TLCD4: variants seen among roughly 807,000 people sequenced by gnomAD.
The protein encoded by TLCD4 is TLC domain-containing protein 4.
In TLCD4, 7 loss-of-function variants were observed where a neutral mutation model predicts 24.2. That is an observed-to-expected ratio of 0.29 (90% CI 0.16 to 0.54). The LOEUF (loss-of-function observed/expected upper bound fraction) is 0.54, where lower values mean the gene tolerates loss of function less well. Among genes scored for constraint, TLCD4 ranks in the 20% least tolerant of loss-of-function variants. TLCD4 has a pLI of 0.95. For missense variants in TLCD4, 259 were observed against 313.9 expected (o/e 0.82, Z 1.32); for synonymous variants, 103 against 106.4 (o/e 0.97, Z 0.20).
intron 2 of TLCD4, among the ~76,000 whole-genome samples, chr1:95,148,313 T>C (rs753276588): frequency 2.0e-5 from 3 of 152,246 alleles, no homozygotes; most frequent in East Asian, 1.9e-4. Context: ...AGGAAACTTA[T>C]CCTGCATTGA....
intron 1 of TLCD4, among the ~76,000 whole-genome samples, chr1:95,125,825 AAT>A (rs1170100226): frequency 1.3e-5 from 2 of 152,168 alleles, no homozygotes; most frequent in Non-Finnish European, 2.9e-5. Flanking sequence ...TGACTGGAGA[AAT>A]ATTAAATAGG....
chr1:95,123,470 C>T (rs996193336), intron 1 of TLCD4, among the ~76,000 whole-genome samples: 2 of 152,210 alleles, frequency 1.3e-5, no homozygotes, highest in Non-Finnish European at 2.9e-5. Context: ...TTTATAGTCA[C>T]AGGCCTCTAA....
chr1:95,125,690 C>T (rs1307944667), intron 1 of TLCD4: 1 of 152,162 alleles, frequency 6.6e-6, no homozygotes, highest in Admixed American at 6.5e-5. Context: ...ATTTTGGCCA[C>T]CAAATTATCC....
chr1:95,174,906 G>A (rs775680891), intron 6 of TLCD4, among the ~76,000 whole-genome samples: 2 of 152,184 alleles, frequency 1.3e-5, no homozygotes, highest in African/African-American at 4.8e-5. Flanking sequence ...CTCCCAAGTA[G>A]CAGGGATTAC....
chr1:95,196,747 T>A lies in TLCD4; in HGVS notation c.*4879T>A, dbSNP rs1461151251. ...CATCTTTGGATATTTTTTCTTTATATCTTTATGTAATTATTTCTGTAATTA... is the reference window on the plus strand; with the variant it reads ...CATCTTTGGATATTTTTTCTTTATAACTTTATGTAATTATTTCTGTAATTA... On this transcript the variant is annotated 3_prime_UTR_variant, in exon 7 of 7. Coordinates refer to ENST00000370203, the MANE Select transcript of TLCD4 (RefSeq NM_152487.3). 6.6e-6 allele frequency: 1 copy of A among 152,200 alleles called. No individual in the cohort carries two copies. The highest frequency in any genetic ancestry group is 2.4e-5 in the African/African-American group (1 of 41,454). 9.4% of individuals were successfully genotyped at this position (152,200 alleles called of 1,614,324 possible). A position where few individuals can be genotyped will look rare whatever the true frequency, so the allele number is the denominator to read the frequency against.
At chr1:95,151,189 C>A in intron 4 of TLCD4, 136 bp from the exon 5 acceptor site, 2 of 833,774 alleles carry the variant, frequency 2.4e-6, no homozygotes, top group South Asian at 1.5e-5. Flanking sequence ...GATAATCAGA[C>A]TAACTGAGGG....
chr1:95,195,871 C>T lies in TLCD4; in HGVS notation c.*4003C>T, dbSNP rs1679188824. Reference sequence around the variant, plus strand: ...TCTCTTTGAATCCTTCCATCTCTTCCTCCTGGTACACCAGATGACTTCATC... The same window carrying T: ...TCTCTTTGAATCCTTCCATCTCTTCTTCCTGGTACACCAGATGACTTCATC... On this transcript the variant is annotated 3_prime_UTR_variant, in exon 7 of 7. Transcript: ENST00000370203. The T allele has an allele frequency of 6.6e-6, 1 of 152,146 alleles. No individual in the cohort carries two copies. The highest frequency in any genetic ancestry group is 1.5e-5 in the Non-Finnish European group (1 of 68,016). 9.4% of individuals were successfully genotyped at this position (152,146 alleles called of 1,614,324 possible).
chr1:95,190,576 C>T (rs948403113), intron 6 of TLCD4, among the ~76,000 whole-genome samples: 2 of 151,972 alleles, frequency 1.3e-5, no homozygotes, highest in African/African-American at 2.4e-5. Context: ...ATCCACGCTC[C>T]TCAGCCTCCC....
At chr1:95,107,786 G>A in the TLCD4 span, among the ~76,000 whole-genome samples, 1 of 152,184 alleles carries the variant, frequency 6.6e-6, no homozygotes, top group East Asian at 1.9e-4. Flanking sequence ...CTGATAAACA[G>A]TGATACTCTA....
chr1:95,120,223 A>G lies in TLCD4; in HGVS notation c.-12+2606A>G, dbSNP rs185655297. Reference sequence around the variant, plus strand: ...TAACTGAACATTAGGAATGAGCTGTATTCACCTGGCATTGGTATCAGGCGC... The same window carrying G: ...TAACTGAACATTAGGAATGAGCTGTGTTCACCTGGCATTGGTATCAGGCGC... On this transcript the variant is annotated intron_variant, in intron 1 of 6. Coordinates refer to ENST00000370203, the MANE Select transcript of TLCD4 (RefSeq NM_152487.3). The G allele has an allele frequency of 9.2e-4, 140 of 152,378 alleles. 1 individual carries two copies. Among genetic ancestry groups the G allele is most frequent in the African/African-American group, 3.2e-3 (135 of 41,580 alleles). The allele number at this position is 152,378 out of a possible 1,614,324, so 9.4% of individuals were successfully genotyped here.
intron 1 of TLCD4, among the ~76,000 whole-genome samples, chr1:95,128,661 A>G (rs1268709998): frequency 6.6e-6 from 1 of 152,066 alleles, no homozygotes; most frequent in African/African-American, 2.4e-5. Flanking sequence ...GTTGTTTGAA[A>G]AATCTATATC....
chr1:95,121,551 A>C (rs774611184), intron 1 of TLCD4, among the ~76,000 whole-genome samples: 3 of 152,178 alleles, frequency 2.0e-5, no homozygotes, highest in Non-Finnish European at 4.4e-5. Context: ...GCTCACTGCA[A>C]CTTCCGCCTC....
In TLCD4 at chr1:95,151,355, T is replaced by C. The variant is rs1414367474; in HGVS notation, c.335T>C (p.Val112Ala). The C allele has an allele frequency of 6.2e-7, 1 of 1,613,304 alleles. No individual in the cohort carries two copies. The highest frequency in any genetic ancestry group is 1.7e-5 in the Admixed American group (1 of 59,908). The change falls in exon 5 of 7, where the codon GTG becomes GCG. Residue 112 changes from valine to alanine, a missense_variant. Val to Ala is a moderately conservative substitution (Grantham distance 64). Transcript: ENST00000370203. The stretch of plus-strand genomic sequence containing the variant: ...TCCATTATAATTTTGTATTGGAAAG[T>C]GATTGGTGACAAATTTTTTATAATG... ...DLSIIILYWK[V>A]IGDKFFIMHH...
Position 95,150,126 on chromosome 1 carries a change from A to T in TLCD4, c.246-82A>T, listed in dbSNP as rs1677452382. On this transcript the variant is annotated intron_variant, in intron 3 of 6. Coordinates refer to ENST00000370203, the MANE Select transcript of TLCD4 (RefSeq NM_152487.3). ...AGAATCTATAGAAAGCAATTTTATT[A>T]TATTTAAATCTCTATAGAAAAAAGA... 4 of 1,472,888 alleles carry T rather than the reference A, an allele frequency of 2.7e-6. No individual in the cohort carries two copies. In the African/African-American group the frequency reaches 5.8e-5, roughly 21 times the overall value. The allele number at this position is 1,472,888 out of a possible 1,614,324, so 91.2% of individuals were successfully genotyped here. A position where few individuals can be genotyped will look rare whatever the true frequency, so the allele number is the denominator to read the frequency against.
chr1:95,160,071 C>T (rs369342666), intron 5 of TLCD4, among the ~76,000 whole-genome samples: 11 of 152,172 alleles, frequency 7.2e-5, no homozygotes, highest in East Asian at 5.8e-4. Context: ...ATGGGGATGG[C>T]ATTGAATCTA....
At chr1:95,158,657 C>A (rs896968143) in intron 5 of TLCD4, among the ~76,000 whole-genome samples, 1 of 134,288 alleles carries the variant, frequency 7.4e-6, no homozygotes, top group Non-Finnish European at 1.6e-5. Flanking sequence ...GTCCGTCCCC[C>A]CTCCCCCCAC....
rs1416113152 is a variant in TLCD4, at chr1:95,191,910, A to G, written c.*42A>G. The G allele has an allele frequency of 1.9e-6, 3 of 1,573,456 alleles. No individual in the cohort carries two copies. Among genetic ancestry groups the G allele is most frequent in the Non-Finnish European group, 2.6e-6 (3 of 1,162,594 alleles). On this transcript the variant is annotated 3_prime_UTR_variant, in exon 7 of 7. Coordinates refer to ENST00000370203, the MANE Select transcript of TLCD4 (RefSeq NM_152487.3). ...AGCAAACTTCATTACTACCCAGCATATCTGCTGATAGGATGAATTCTTGGC... is the reference window on the plus strand; with the variant it reads ...AGCAAACTTCATTACTACCCAGCATGTCTGCTGATAGGATGAATTCTTGGC...
the TLCD4 span, among the ~76,000 whole-genome samples, chr1:95,095,857 C>T: frequency 6.6e-6 from 1 of 152,086 alleles, no homozygotes; most frequent in South Asian, 2.1e-4. Flanking sequence ...GAGTATTGGT[C>T]AGAAAGGCAA....
At chr1:95,108,731 T>A in the TLCD4 span, among the ~76,000 whole-genome samples, 153 of 152,334 alleles carry the variant, frequency 1.0e-3, 1 homozygote, top group Admixed American at 8.9e-3. Flanking sequence ...TTTTTCCAGG[T>A]GCTATCCATT....
Sources: gnomAD v4.1 joint callset for allele counts (sites outside exome capture counted in the v4.1 genomes callset) on GRCh38, gnomAD v4.1.1 for gene constraint, MANE v1.5 for transcripts, NCBI Gene and HGNC (gene_info 2026-07-23, HGNC 2026-07-21) for gene names.